TEX26: variants seen among roughly 807,000 people sequenced by gnomAD.
TEX26 encodes testis-expressed protein 26.
TEX26 carries 34 observed loss-of-function variants against 35.3 expected under a neutral mutation model. That is an observed-to-expected ratio of 0.96 (90% CI 0.73 to 1.28). The LOEUF (loss-of-function observed/expected upper bound fraction) is 1.28. Ranked by LOEUF, TEX26 falls within the 50% of genes most tolerant of loss-of-function variation. The probability of loss-of-function intolerance (pLI) is 0.00; values close to 1 mark genes in which losing one functional copy is unlikely to be tolerated. For missense variants in TEX26, 371 were observed against 330.1 expected (o/e 1.12, Z -0.96); for synonymous variants, 136 against 111.8 (o/e 1.22, Z -1.36).
chr13:30,932,886 T>C, intron 1 of TEX26, 110 bp downstream of exon 1: 2 of 1,226,912 alleles, frequency 1.6e-6, no homozygotes, highest in African/African-American at 1.5e-5. Flanking sequence ...GCATCGCTCT[T>C]AGGAGTATGC....
At chr13:30,968,331 G>C (rs1954607611) in intron 5 of TEX26, among the ~76,000 whole-genome samples, 2 of 152,076 alleles carry the variant, frequency 1.3e-5, no homozygotes. Flanking sequence ...TGATGGTAAA[G>C]GTTTCTTTTA....
At chr13:30,966,461 G>T (rs1422780434) in intron 5 of TEX26, 63 bp downstream of exon 5, 8 of 1,300,722 alleles carry the variant, frequency 6.2e-6, no homozygotes, top group Middle Eastern at 2.4e-4. Context: ...TTTTGAGACG[G>T]AGTTTCCCTC....
chr13:30,943,145 T>A (rs1318433212), intron 2 of TEX26, among the ~76,000 whole-genome samples: 3 of 152,148 alleles, frequency 2.0e-5, no homozygotes, highest in African/African-American at 4.8e-5. Flanking sequence ...ATGTTTCCAT[T>A]TGTTAGTGTT....
intron 1 of TEX26, among the ~76,000 whole-genome samples, chr13:30,934,368 G>A (rs1323647664): frequency 6.6e-6 from 1 of 152,226 alleles, no homozygotes; most frequent in Non-Finnish European, 1.5e-5. Flanking sequence ...AATAGGATGA[G>A]GTTGATGGTG....
At chr13:30,952,901 A>AC in intron 3 of TEX26, 76 bp downstream of exon 3, 1 of 1,302,640 alleles carries the variant, frequency 7.7e-7, no homozygotes, top group Non-Finnish European at 1.1e-6. Flanking sequence ...GAGTTTAAAT[A>AC]TGTCACAAAG....
At chr13:30,972,824 G>T (rs57404771) in intron 6 of TEX26, among the ~76,000 whole-genome samples, 2 of 152,124 alleles carry the variant, frequency 1.3e-5, no homozygotes, top group Non-Finnish European at 2.9e-5. Flanking sequence ...TTTAGTAGAG[G>T]CAGGGTTTGG....
At chr13:30,937,255 G>T (rs1345965757) in intron 1 of TEX26, among the ~76,000 whole-genome samples, 1 of 152,174 alleles carries the variant, frequency 6.6e-6, no homozygotes, top group Non-Finnish European at 1.5e-5. Context: ...CTTCAGAAGG[G>T]ATAGGACCCT....
intron 6 of TEX26, among the ~76,000 whole-genome samples, chr13:30,971,501 G>T (rs954637572): frequency 6.6e-6 from 1 of 152,172 alleles, no homozygotes; most frequent in East Asian, 1.9e-4. Context: ...AGTTGGGTGG[G>T]AGGTGAGGGT....
intron 1 of TEX26, chr13:30,933,002 C>A: frequency 2.1e-6 from 1 of 467,198 alleles, no homozygotes; most frequent in Admixed American, 3.3e-5. Flanking sequence ...CTCCCTAAAA[C>A]GCGCAGGGTT....
chr13:30,941,156 G>A (rs1397889987), intron 2 of TEX26, among the ~76,000 whole-genome samples: 2 of 152,190 alleles, frequency 1.3e-5, no homozygotes, highest in Admixed American at 1.3e-4. Flanking sequence ...TAAAGTGGCT[G>A]TTCTGAGGAC....
Position 30,974,949 on chromosome 13 carries a change from G to A in TEX26, c.*42G>A. On this transcript the variant is annotated 3_prime_UTR_variant, in exon 7 of 7. Coordinates refer to ENST00000380473, the MANE Select transcript of TEX26 (RefSeq NM_152325.3). ...AAATGAAGAAAATCTGAAAATCAAT[G>A]GAAGCACGAGGACATTCCTAGTCAT... 1 of 1,322,820 alleles carries A rather than the reference G, an allele frequency of 7.6e-7. No homozygotes were observed. The highest frequency in any genetic ancestry group is 2.5e-5 in the Admixed American group (1 of 39,934). The allele number at this position is 1,322,820 out of a possible 1,614,324, so 81.9% of individuals were successfully genotyped here.
chr13:30,972,187 G>A (rs1381930620), intron 6 of TEX26, among the ~76,000 whole-genome samples: 1 of 152,164 alleles, frequency 6.6e-6, no homozygotes, highest in African/African-American at 2.4e-5. Context: ...CCTGGAGGAG[G>A]GGTCCTATAA....
In TEX26 at chr13:30,974,923, C is replaced by T. The variant is rs761252978; in HGVS notation, c.*16C>T. On this transcript the variant is annotated 3_prime_UTR_variant, in exon 7 of 7. Coordinates refer to ENST00000380473, the MANE Select transcript of TEX26 (RefSeq NM_152325.3). ...GAAGAAATGAAAAGGGAAAATAGTACAAATGAAGAAAATCTGAAAATCAAT... is the reference window on the plus strand; with the variant it reads ...GAAGAAATGAAAAGGGAAAATAGTATAAATGAAGAAAATCTGAAAATCAAT... 1.5e-5 allele frequency: 23 copies of T among 1,504,966 alleles called. 1 individual carries two copies. The highest frequency in any genetic ancestry group is 5.4e-6 in the Non-Finnish European group (6 of 1,113,426). 93.2% of individuals were successfully genotyped at this position (1,504,966 alleles called of 1,614,324 possible).
intron 6 of TEX26, 25 bp from the exon 7 acceptor site, chr13:30,974,821 T>G: frequency 6.5e-7 from 1 of 1,540,360 alleles, no homozygotes; most frequent in Non-Finnish European, 8.7e-7. Context: ...AAAATTTTCA[T>G]CCTGTTTTTC....
intron 6 of TEX26, chr13:30,973,547 A>C (rs939383610): frequency 1.3e-5 from 2 of 152,238 alleles, no homozygotes; most frequent in Non-Finnish European, 2.9e-5. Context: ...AATACTGGAG[A>C]CAAGGTATGG....
intron 4 of TEX26, among the ~76,000 whole-genome samples, 189 bp downstream of exon 4, chr13:30,957,218 G>A (rs1029462590): frequency 6.6e-6 from 1 of 152,102 alleles, no homozygotes; most frequent in Non-Finnish European, 1.5e-5. Context: ...GTTGCTGTGG[G>A]CATACAGGAA....
intron 6 of TEX26, among the ~76,000 whole-genome samples, chr13:30,971,915 T>C (rs1449889461): frequency 6.6e-6 from 1 of 152,186 alleles, no homozygotes; most frequent in East Asian, 1.9e-4. Flanking sequence ...CAACTGAAAC[T>C]CCCACAAATG....
intron 2 of TEX26, among the ~76,000 whole-genome samples, chr13:30,947,985 C>T (rs143234624): frequency 5.3e-5 from 8 of 152,024 alleles, no homozygotes; most frequent in East Asian, 3.9e-4. Flanking sequence ...TGAGAACATG[C>T]GGTGTTTGGT....
chr13:30,962,489 G>T (rs1053344324), intron 4 of TEX26, among the ~76,000 whole-genome samples: 1 of 152,176 alleles, frequency 6.6e-6, no homozygotes, highest in Admixed American at 6.5e-5. Context: ...CTGGTTGTAC[G>T]CCTCGCCTCT....
Sources: allele counts gnomAD v4.1 joint callset (sites outside exome capture counted in the v4.1 genomes callset), GRCh38; gene constraint gnomAD v4.1.1; transcripts MANE v1.5; gene names NCBI Gene and HGNC (gene_info 2026-07-23, HGNC 2026-07-21).